DLGAP2: variants seen among roughly 807,000 people sequenced by gnomAD.
DLGAP2 encodes the protein DLG associated protein 2.
In DLGAP2, 26 loss-of-function variants were observed where a neutral mutation model predicts 100.3. The observed-to-expected ratio is 0.26, with a 90% confidence interval of 0.19 to 0.36. The LOEUF (loss-of-function observed/expected upper bound fraction) is 0.36. Ranked by LOEUF, DLGAP2 falls within the 10% of genes least tolerant of loss-of-function variation. The pLI is 1.00. For synonymous variants in DLGAP2, 886 were observed against 630.1 expected, an observed-to-expected ratio of 1.41 and a Z score of -6.08; for missense variants, 1,858 against 1,453.2, an observed-to-expected ratio of 1.28 and a Z score of -4.53.
At chr8:1,242,412 C>G (rs1798816763) in intron 2 of DLGAP2, among the ~76,000 whole-genome samples, 1 of 152,232 alleles carries the variant, frequency 6.6e-6, no homozygotes, top group Admixed American at 6.5e-5. Context: ...CAGGGGTCAG[C>G]AGCGAAGGGC....
At chr8:832,137 C>G (rs1172091581) in intron 1 of DLGAP2, among the ~76,000 whole-genome samples, 3 of 152,130 alleles carry the variant, frequency 2.0e-5, no homozygotes. Flanking sequence ...GGGTAGATTG[C>G]AAAAGTTTTC....
intron 1 of DLGAP2, among the ~76,000 whole-genome samples, chr8:803,219 A>G (rs1230900345): frequency 6.6e-6 from 1 of 152,050 alleles, no homozygotes; most frequent in African/African-American, 2.4e-5. Flanking sequence ...CTTCCTCCCC[A>G]CAAACCTCTC....
intron 6 of DLGAP2, among the ~76,000 whole-genome samples, chr8:1,610,035 G>C (rs962064132): frequency 6.6e-6 from 1 of 151,714 alleles, no homozygotes; most frequent in African/African-American, 2.4e-5. Context: ...GTACCAAGCG[G>C]ACCTAATAGA....
At chr8:1,200,968 C>A (rs1457463214) in intron 2 of DLGAP2, among the ~76,000 whole-genome samples, 2 of 152,220 alleles carry the variant, frequency 1.3e-5, no homozygotes, top group African/African-American at 2.4e-5. Context: ...GGGCGCTGCG[C>A]TCGGCCTTAG....
intron 8 of DLGAP2, among the ~76,000 whole-genome samples, chr8:1,651,330 G>A (rs1431858445): frequency 2.0e-5 from 3 of 152,118 alleles, no homozygotes; most frequent in African/African-American, 7.2e-5. Flanking sequence ...CGCTGGCCCC[G>A]TCAGCAGCCA....
chr8:1,596,483 C>T (rs1300141896), intron 6 of DLGAP2, among the ~76,000 whole-genome samples: 1 of 152,138 alleles, frequency 6.6e-6, no homozygotes, highest in Non-Finnish European at 1.5e-5. Flanking sequence ...ACTTATACTC[C>T]CACCAACAGT....
intron 8 of DLGAP2, among the ~76,000 whole-genome samples, chr8:1,647,816 A>T (rs1436733838): frequency 6.6e-6 from 1 of 152,144 alleles, no homozygotes; most frequent in Non-Finnish European, 1.5e-5. Flanking sequence ...TCTCACAGTT[A>T]TGGAGGCTGG....
chr8:1,020,269 T>C (rs1278745943), intron 2 of DLGAP2, among the ~76,000 whole-genome samples: 1 of 152,172 alleles, frequency 6.6e-6, no homozygotes, highest in African/African-American at 2.4e-5. Context: ...CCCTGAAGCG[T>C]ATTAGAAAGT....
intron 3 of DLGAP2, among the ~76,000 whole-genome samples, chr8:1,433,298 C>A (rs1397009390): frequency 1.3e-5 from 2 of 152,226 alleles, no homozygotes; most frequent in Non-Finnish European, 2.9e-5. Context: ...CCGAAACAAC[C>A]CCTGTACTGG....
At chr8:1,089,588 C>G (rs1299862903) in intron 2 of DLGAP2, among the ~76,000 whole-genome samples, 2 of 152,220 alleles carry the variant, frequency 1.3e-5, no homozygotes, top group East Asian at 1.9e-4. Flanking sequence ...AGGCCCACTG[C>G]TCAGAGTTGG....
intron 1 of DLGAP2, among the ~76,000 whole-genome samples, chr8:782,267 C>G (rs915584320): frequency 2.0e-5 from 3 of 151,236 alleles, no homozygotes; most frequent in Non-Finnish European, 4.4e-5. Flanking sequence ...GGGGATTGTC[C>G]TACTCATTAG....
At chr8:1,216,179 A>C (rs1242842911) in intron 2 of DLGAP2, among the ~76,000 whole-genome samples, 2 of 152,092 alleles carry the variant, frequency 1.3e-5, no homozygotes, top group Non-Finnish European at 1.5e-5. Context: ...TCTGCAGGGG[A>C]CTAATAGCTG....
intron 6 of DLGAP2, among the ~76,000 whole-genome samples, chr8:1,606,162 G>C (rs1007534266): frequency 6.6e-6 from 1 of 152,032 alleles, no homozygotes; most frequent in Admixed American, 6.6e-5. Flanking sequence ...TTGAAAATTT[G>C]CTTCAAGTCT....
chr8:1,048,283 A>G (rs948729093), intron 2 of DLGAP2, among the ~76,000 whole-genome samples: 1 of 152,108 alleles, frequency 6.6e-6, no homozygotes, highest in Non-Finnish European at 1.5e-5. Flanking sequence ...TCCATTTTAC[A>G]AAGGACACCC....
At chr8:1,112,406 A>G (rs1275362700) in intron 2 of DLGAP2, among the ~76,000 whole-genome samples, 1 of 151,856 alleles carries the variant, frequency 6.6e-6, no homozygotes, top group Non-Finnish European at 1.5e-5. Flanking sequence ...ACACCCGGCT[A>G]ATTTTTTGTA....
intron 2 of DLGAP2, among the ~76,000 whole-genome samples, chr8:1,176,619 G>C (rs1189432359): frequency 2.0e-5 from 3 of 152,194 alleles, no homozygotes; most frequent in Non-Finnish European, 4.4e-5. Context: ...GTGTTTCCTT[G>C]TGGGGTTGAC....
chr8:1,474,759 G>A (rs1284617346), intron 3 of DLGAP2, among the ~76,000 whole-genome samples: 1 of 152,214 alleles, frequency 6.6e-6, no homozygotes, highest in Non-Finnish European at 1.5e-5. Context: ...TATGGGGAAA[G>A]GGAATGCTTA....
At chr8:1,635,338 G>A (rs1797741396) in intron 8 of DLGAP2, among the ~76,000 whole-genome samples, 1 of 152,208 alleles carries the variant, frequency 6.6e-6, no homozygotes, top group Admixed American at 6.5e-5. Context: ...AATTGTGATA[G>A]CTGAACTTCA....
At chr8:1,450,952 T>G (rs1358843395) in intron 3 of DLGAP2, among the ~76,000 whole-genome samples, 3 of 152,166 alleles carry the variant, frequency 2.0e-5, no homozygotes, top group Non-Finnish European at 4.4e-5. Context: ...ATTTCTCTAT[T>G]TGGAAATGCA....
Sources: allele counts gnomAD v4.1 joint callset (sites outside exome capture counted in the v4.1 genomes callset), GRCh38; gene constraint gnomAD v4.1.1; transcripts MANE v1.5; gene names NCBI Gene and HGNC (gene_info 2026-07-23, HGNC 2026-07-21).